The following MAF variants were observed in gnomAD, a reference collection of about 807,000 sequenced individuals.
The protein encoded by MAF is transcription factor Maf.
In MAF, 10 loss-of-function variants were observed where a neutral mutation model predicts 22.0. That is an observed-to-expected ratio of 0.45 (90% confidence interval 0.28 to 0.77). MAF has a LOEUF of 0.77. MAF is among the 30% of genes least tolerant of loss of function. The probability of loss-of-function intolerance (pLI) is 0.12; values close to 1 mark genes in which losing one functional copy is unlikely to be tolerated. For missense variants in MAF, 544 were observed against 548.4 expected (o/e 0.99, Z 0.08); for synonymous variants, 337 against 255.8 (o/e 1.32, Z -3.03).
chr16:79,211,512 TGG>T, the MAF span: 1 of 1,512,622 alleles, frequency 6.6e-7, no homozygotes, highest in South Asian at 1.2e-5. Flanking sequence ...CTGAACCAGG[TGG>T]GGGAGGCCTG....
At chr16:79,254,672 G>T in the MAF span, among the ~76,000 whole-genome samples, 5 of 152,022 alleles carry the variant, frequency 3.3e-5, no homozygotes, top group East Asian at 9.6e-4. Flanking sequence ...CTGGGATCTC[G>T]GTTCCTGGAT....
At chr16:79,375,891 T>C in the MAF span, among the ~76,000 whole-genome samples, 2 of 152,140 alleles carry the variant, frequency 1.3e-5, no homozygotes, top group Non-Finnish European at 2.9e-5. Context: ...TCATAAGCTA[T>C]TACATAAACA....
the MAF span, among the ~76,000 whole-genome samples, chr16:79,303,947 C>A: frequency 1.3e-5 from 2 of 152,188 alleles, no homozygotes; most frequent in Non-Finnish European, 2.9e-5. Context: ...ATGCACTTCG[C>A]TCAAAAGACT....
the MAF span, among the ~76,000 whole-genome samples, chr16:79,490,309 A>G: frequency 1.3e-5 from 2 of 152,190 alleles, no homozygotes; most frequent in Non-Finnish European, 2.9e-5. Context: ...CGAGGCAGGA[A>G]TAAAAACATC....
the MAF span, among the ~76,000 whole-genome samples, chr16:79,338,703 T>C: frequency 5.0e-4 from 76 of 152,064 alleles, 1 homozygote; most frequent in African/African-American, 1.7e-3. Flanking sequence ...AGAGGGAAGA[T>C]ACAGGCTTTA....
chr16:79,458,109 AGTGTGTGT>A, the MAF span, among the ~76,000 whole-genome samples: 310 of 136,432 alleles, frequency 2.3e-3, 5 homozygotes, highest in African/African-American at 6.9e-3. Context: ...GGTATGTATA[AGTGTGTGT>A]GTGTGTGTGT....
At chr16:79,342,591 T>A in the MAF span, among the ~76,000 whole-genome samples, 2 of 151,872 alleles carry the variant, frequency 1.3e-5, no homozygotes. Context: ...ACTGTCACCA[T>A]CACCATCATC....
the MAF span, among the ~76,000 whole-genome samples, chr16:79,411,744 T>C: frequency 9.2e-5 from 14 of 152,340 alleles, no homozygotes; most frequent in South Asian, 1.9e-3. Context: ...CCCCCAGGCT[T>C]TTCCTCTTGC....
At chr16:79,529,100 T>C in the MAF span, among the ~76,000 whole-genome samples, 47,306 of 152,074 alleles carry the variant, frequency 0.31, 8,246 homozygotes, top group East Asian at 0.5. Flanking sequence ...ATAAAACTAC[T>C]GCAGGACTGA....
the MAF span, among the ~76,000 whole-genome samples, chr16:79,543,498 G>A: frequency 3.9e-5 from 6 of 152,138 alleles, no homozygotes; most frequent in African/African-American, 1.4e-4. Flanking sequence ...TCAAGATGGC[G>A]GGCAGTCCCA....
the MAF span, among the ~76,000 whole-genome samples, chr16:79,240,487 GA>G: frequency 3.6e-4 from 22 of 60,718 alleles, no homozygotes; most frequent in Admixed American, 1.7e-3. Context: ...AGCATCTCTG[GA>G]AAAAAAAAAA....
chr16:79,295,078 C>CT, the MAF span, among the ~76,000 whole-genome samples: 3 of 90,504 alleles, frequency 3.3e-5, no homozygotes, highest in Admixed American at 3.1e-4. Context: ...TCTAAATATA[C>CT]TTTTTTTGGG....
chr16:79,481,632 C>G, the MAF span, among the ~76,000 whole-genome samples: 23 of 151,756 alleles, frequency 1.5e-4, no homozygotes, highest in Non-Finnish European at 2.8e-4. Context: ...ATCCATCTAC[C>G]CATCCACCCA....
chr16:79,492,385 C>T, the MAF span, among the ~76,000 whole-genome samples: 3,670 of 152,066 alleles, frequency 0.024, 67 homozygotes, highest in South Asian at 0.087. Flanking sequence ...GCAACGTATC[C>T]GAATTTTAAA....
At chr16:79,249,102 A>G in the MAF span, among the ~76,000 whole-genome samples, 1 of 152,162 alleles carries the variant, frequency 6.6e-6, no homozygotes, top group Admixed American at 6.5e-5. Flanking sequence ...GGCTCTGTCT[A>G]CATGGATGGA....
the MAF span, among the ~76,000 whole-genome samples, chr16:79,311,497 T>TA: frequency 0.037 from 5,085 of 136,650 alleles, 82 homozygotes; most frequent in African/African-American, 0.048. Flanking sequence ...TTGTTTTCTT[T>TA]AAAAAAAAAA....
At chr16:79,478,350 A>G in the MAF span, among the ~76,000 whole-genome samples, 4 of 152,198 alleles carry the variant, frequency 2.6e-5, no homozygotes, top group South Asian at 8.3e-4. Context: ...ACAGGAGCTC[A>G]GGAAGCTGCT....
At chr16:79,424,090 G>C in the MAF span, among the ~76,000 whole-genome samples, 1 of 152,186 alleles carries the variant, frequency 6.6e-6, no homozygotes, top group African/African-American at 2.4e-5. Flanking sequence ...AACACGCACT[G>C]CTAGGTATTT....
chr16:79,538,248 C>T, the MAF span, among the ~76,000 whole-genome samples: 1 of 152,130 alleles, frequency 6.6e-6, no homozygotes. Context: ...TAAAATAGCC[C>T]TGAAACGTTT....
Sources: allele counts gnomAD v4.1 joint callset (sites outside exome capture counted in the v4.1 genomes callset), GRCh38; gene constraint gnomAD v4.1.1; transcripts MANE v1.5; gene names NCBI Gene and HGNC (gene_info 2026-07-23, HGNC 2026-07-21).